SNX18: variants seen among roughly 807,000 people sequenced by gnomAD.
SNX18 encodes the protein sorting nexin-18.
SNX18 carries 35 observed loss-of-function variants against 48.7 expected under a neutral mutation model. The ratio of observed to expected loss-of-function variants is 0.72; its 90% CI spans 0.55 to 0.95. The LOEUF (loss-of-function observed/expected upper bound fraction) is 0.95. SNX18 is among the 40% of genes least tolerant of loss of function. The pLI, the probability that SNX18 is intolerant of heterozygous loss-of-function variation, is 0.00. For missense variants in SNX18, 824 were observed against 871.0 expected, an observed-to-expected ratio of 0.95 and a Z score of 0.68; for synonymous variants, 492 against 384.7, an observed-to-expected ratio of 1.28 and a Z score of -3.26.
In SNX18 at chr5:54,517,956, G is replaced by A; in HGVS notation, c.4G>A (p.Ala2Thr). The A allele has an allele frequency of 6.6e-7, 1 of 1,512,660 alleles. No homozygotes were observed. Among genetic ancestry groups the A allele is most frequent in the Non-Finnish European group, 8.8e-7 (1 of 1,133,580 alleles). 93.7% of individuals were successfully genotyped at this position (1,512,660 alleles called of 1,614,324 possible). The change falls in exon 1 of 2, where the codon GCG (alanine) becomes ACG (threonine). Residue 2 changes from alanine (A) to threonine (T), a missense_variant. By Grantham distance (58) the Ala-to-Thr change is moderately conservative. Coordinates refer to ENST00000381410, the MANE Select transcript of SNX18 (RefSeq NM_001102575.2). MALRARALYDFR... is the reference protein window; with the variant it reads MTLRARALYDFR... Reference sequence around the variant, plus strand: ...CGCCAGTCGGGGCGCCGGGACCATGGCGCTGCGCGCCCGGGCGCTGTACGA... The same window carrying A: ...CGCCAGTCGGGGCGCCGGGACCATGACGCTGCGCGCCCGGGCGCTGTACGA...
At chr5:54,611,627 T>C in the SNX18 span, among the ~76,000 whole-genome samples, 29 of 152,206 alleles carry the variant, frequency 1.9e-4, no homozygotes, top group Admixed American at 8.5e-4. Context: ...TGTCTTTCAC[T>C]TGCCTGGAAT....
chr5:54,573,637 G>A, the SNX18 span, among the ~76,000 whole-genome samples: 3 of 152,158 alleles, frequency 2.0e-5, no homozygotes, highest in Non-Finnish European at 4.4e-5. Flanking sequence ...GGATCATGAG[G>A]GCTGTCGGGT....
the SNX18 span, among the ~76,000 whole-genome samples, chr5:54,637,875 G>A: frequency 1.3e-5 from 2 of 152,202 alleles, no homozygotes; most frequent in African/African-American, 2.4e-5. Flanking sequence ...TCAGAGTAGA[G>A]AGGCTTGTTC....
In SNX18 at chr5:54,519,165, G is replaced by C. The variant is rs199557419; in HGVS notation, c.1213G>C (p.Ala405Pro). Residue 405 changes from alanine to proline, a missense_variant, in exon 1 of 2, where the codon GCC becomes CCC. By Grantham distance (27) the Ala-to-Pro change is conservative. Transcript: ENST00000381410. ...RKAEKDEMVG[A>P]NFFLTLSTPP... Reference sequence around the variant, plus strand: ...GGCCGAGAAGGACGAGATGGTGGGCGCCAACTTCTTCCTGACCCTTAGCAC... The same window carrying C: ...GGCCGAGAAGGACGAGATGGTGGGCCCCAACTTCTTCCTGACCCTTAGCAC... The C allele has an allele frequency of 1.7e-4, 271 of 1,613,556 alleles. No homozygotes were observed. The highest frequency in any genetic ancestry group is 2.0e-4 in the Non-Finnish European group (241 of 1,179,756).
the SNX18 span, among the ~76,000 whole-genome samples, chr5:54,627,355 G>C: frequency 1.3e-5 from 2 of 152,084 alleles, no homozygotes; most frequent in Admixed American, 6.5e-5. Flanking sequence ...CTTCTCTAAT[G>C]CTTCCTCTTA....
chr5:54,595,179 G>A, the SNX18 span, among the ~76,000 whole-genome samples: 1 of 152,116 alleles, frequency 6.6e-6, no homozygotes, highest in Admixed American at 6.6e-5. Context: ...TTTCTTTTGG[G>A]TATATACCCA....
At chr5:54,612,272 T>A in the SNX18 span, among the ~76,000 whole-genome samples, 2 of 151,938 alleles carry the variant, frequency 1.3e-5, no homozygotes, top group Admixed American at 1.3e-4. Context: ...TTATTTTTTT[T>A]TTTTGAGATG....
chr5:54,614,666 T>C, the SNX18 span, among the ~76,000 whole-genome samples: 8,037 of 152,062 alleles, frequency 0.053, 287 homozygotes, highest in Non-Finnish European at 0.082. Context: ...AAATAAAAAT[T>C]AGCCAGTCGT....
chr5:54,518,645 C>T lies in SNX18; in HGVS notation c.693C>T (p.Arg231=). Residue 231 remains arginine (R), a synonymous_variant, in exon 1 of 2, where the codon CGC becomes CGT. Transcript: ENST00000381410. ...SSATVSRNLN[R]FSTFVKSGGE... Reference sequence around the variant, plus strand: ...CCACCGTGAGCCGCAACCTCAATCGCTTCTCCACCTTCGTCAAGTCCGGCG... The same window carrying T: ...CCACCGTGAGCCGCAACCTCAATCGTTTCTCCACCTTCGTCAAGTCCGGCG... 1.3e-6 allele frequency: 2 copies of T among 1,558,278 alleles called. No homozygotes were observed. Among genetic ancestry groups the T allele is most frequent in the Non-Finnish European group, 1.7e-6 (2 of 1,153,678 alleles).
chr5:54,620,645 C>G, the SNX18 span, among the ~76,000 whole-genome samples: 25 of 152,280 alleles, frequency 1.6e-4, no homozygotes, highest in African/African-American at 6.0e-4. Flanking sequence ...AGGAGCCAGA[C>G]AGGAAAAGAA....
the SNX18 span, among the ~76,000 whole-genome samples, chr5:54,589,984 A>G: frequency 2.0e-5 from 3 of 152,138 alleles, no homozygotes; most frequent in Non-Finnish European, 4.4e-5. Context: ...GGAGATGTGC[A>G]TTTACTATGT....
chr5:54,640,632 A>C, the SNX18 span, among the ~76,000 whole-genome samples: 6 of 152,332 alleles, frequency 3.9e-5, no homozygotes, highest in South Asian at 1.2e-3. Context: ...CACCCTTTAC[A>C]ACCTCTCTTT....
chr5:54,643,764 G>A, the SNX18 span: 1 of 152,200 alleles, frequency 6.6e-6, no homozygotes, highest in African/African-American at 2.4e-5. Flanking sequence ...GCATCTCAGA[G>A]GGCACCCTGC....
chr5:54,628,540 A>T, the SNX18 span, among the ~76,000 whole-genome samples: 1 of 151,722 alleles, frequency 6.6e-6, no homozygotes, highest in South Asian at 2.1e-4. Context: ...GAACCTCACC[A>T]CCTCAGTCCA....
At chr5:54,539,918 C>T (rs1762432401) in intron 1 of SNX18, among the ~76,000 whole-genome samples, 1 of 151,970 alleles carries the variant, frequency 6.6e-6, no homozygotes, top group African/African-American at 2.4e-5. Context: ...GTTGCCCGGG[C>T]TGGAGTGCAA....
At chr5:54,641,887 C>T in the SNX18 span, among the ~76,000 whole-genome samples, 4 of 152,058 alleles carry the variant, frequency 2.6e-5, no homozygotes, top group Non-Finnish European at 4.4e-5. Context: ...CTTGCTGAGT[C>T]AAAAATATTC....
the SNX18 span, among the ~76,000 whole-genome samples, chr5:54,576,946 C>T: frequency 2.0e-5 from 3 of 152,170 alleles, no homozygotes; most frequent in Admixed American, 6.5e-5. Context: ...GGATTACGGG[C>T]GCCCACCACC....
the SNX18 span, among the ~76,000 whole-genome samples, chr5:54,573,782 A>T: frequency 6.6e-6 from 1 of 152,182 alleles, no homozygotes; most frequent in East Asian, 1.9e-4. Context: ...AAGACTAGAC[A>T]CAGGAAAAGC....
the SNX18 span, among the ~76,000 whole-genome samples, chr5:54,579,081 T>C: frequency 6.6e-6 from 1 of 152,178 alleles, no homozygotes. Context: ...AGCGTATGCC[T>C]GCAATCCCAA....
Sources: gnomAD v4.1 joint callset for allele counts (sites outside exome capture counted in the v4.1 genomes callset) on GRCh38, gnomAD v4.1.1 for gene constraint, MANE v1.5 for transcripts, NCBI Gene and HGNC (gene_info 2026-07-23, HGNC 2026-07-21) for gene names.